SMCO2: variants seen among roughly 807,000 people sequenced by gnomAD.
SMCO2 encodes the protein single-pass membrane and coiled-coil domain-containing protein 2.
Under a neutral mutation model 29.5 loss-of-function variants are expected in SMCO2, and 25 were observed. The ratio of observed to expected loss-of-function variants is 0.85; its 90% confidence interval spans 0.62 to 1.18. SMCO2 has a LOEUF of 1.18. Ranked by LOEUF, SMCO2 falls within the 50% of genes most tolerant of loss-of-function variation. The pLI, the probability that SMCO2 is intolerant of heterozygous loss-of-function variation, is 0.00. For missense variants in SMCO2, 348 were observed against 344.5 expected, an observed-to-expected ratio of 1.01 and a Z score of -0.08; for synonymous variants, 117 against 123.3, an observed-to-expected ratio of 0.95 and a Z score of 0.34.
chr12:27,480,571 C>A (rs1949633662), intron 4 of SMCO2, among the ~76,000 whole-genome samples: 2 of 152,134 alleles, frequency 1.3e-5, no homozygotes, highest in Admixed American at 6.5e-5. Flanking sequence ...TGGAGGTGGG[C>A]CTAGTGGGAG....
At chr12:27,492,910 T>C (rs1942942139) in intron 5 of SMCO2, among the ~76,000 whole-genome samples, 1 of 152,180 alleles carries the variant, frequency 6.6e-6, no homozygotes, top group Non-Finnish European at 1.5e-5. Context: ...CTATTCACAA[T>C]AGCAAAGACA....
At chr12:27,439,249 A>G in the SMCO2 span, among the ~76,000 whole-genome samples, 1 of 152,018 alleles carries the variant, frequency 6.6e-6, no homozygotes. Flanking sequence ...GTTCCCCAGG[A>G]CCCCTGGGCA....
exon 4 of SMCO2, chr12:27,474,866 T>C: frequency 6.4e-7 from 1 of 1,551,478 alleles, no homozygotes; most frequent in South Asian, 1.2e-5. Flanking sequence ...ATGAGGACCC[T>C]CAAGCGTCTA....
chr12:27,470,595 C>T (rs1377164553), intron 1 of SMCO2, 27 bp from the exon 2 acceptor site: 10 of 1,544,190 alleles, frequency 6.5e-6, no homozygotes, highest in Admixed American at 2.0e-5. Flanking sequence ...CATAAAATCC[C>T]TCTTGTTGTC....
chr12:27,466,399 G>A (rs1444326282), upstream of SMCO2, among the ~76,000 whole-genome samples: 6 of 152,154 alleles, frequency 3.9e-5, no homozygotes, highest in Non-Finnish European at 7.3e-5. Flanking sequence ...GCGACAGAGC[G>A]AGAGTCTGAC....
the SMCO2 span, among the ~76,000 whole-genome samples, chr12:27,439,757 A>G: frequency 6.6e-6 from 1 of 152,162 alleles, no homozygotes; most frequent in African/African-American, 2.4e-5. Flanking sequence ...AGAGGAAAGA[A>G]TCAGTGAGCT....
At chr12:27,482,780 G>C (rs1184337816) in intron 4 of SMCO2, among the ~76,000 whole-genome samples, 1 of 152,090 alleles carries the variant, frequency 6.6e-6, no homozygotes, top group East Asian at 1.9e-4. Flanking sequence ...GCCCAGGCTG[G>C]AGTGCAGTGG....
At chr12:27,480,133 A>C (rs1017828973) in intron 4 of SMCO2, among the ~76,000 whole-genome samples, 2 of 152,222 alleles carry the variant, frequency 1.3e-5, no homozygotes, top group African/African-American at 4.8e-5. Flanking sequence ...CCAAGGGCAA[A>C]AGGAGAGGAA....
chr12:27,459,141 C>A, the SMCO2 span, among the ~76,000 whole-genome samples: 3 of 136,876 alleles, frequency 2.2e-5, no homozygotes, highest in Non-Finnish European at 4.6e-5. Context: ...GAGCCAAGAT[C>A]GCGCCACTGC....
At chr12:27,494,381 A>G in intron 6 of SMCO2, 25 bp downstream of exon 7, 1 of 1,483,516 alleles carries the variant, frequency 6.7e-7, no homozygotes, top group Non-Finnish European at 9.0e-7. Context: ...ACACAATTCA[A>G]ACAATGATAA....
chr12:27,495,963 T>C, intron 7 of SMCO2, 108 bp downstream of exon 8: 1 of 1,154,624 alleles, frequency 8.7e-7, no homozygotes, highest in Non-Finnish European at 1.1e-6. Context: ...TTGTTTTATT[T>C]TCGTTTGTAA....
chr12:27,475,384 G>A (rs557535184), intron 4 of SMCO2, among the ~76,000 whole-genome samples, 198 bp from the exon 5 acceptor site: 5 of 152,024 alleles, frequency 3.3e-5, no homozygotes, highest in Admixed American at 1.3e-4. Flanking sequence ...GTTTTATAGA[G>A]TCTTTAAAGA....
chr12:27,454,406 GT>G, the SMCO2 span, among the ~76,000 whole-genome samples: 1 of 152,010 alleles, frequency 6.6e-6, no homozygotes, highest in African/African-American at 2.4e-5. Flanking sequence ...GCACCTTTTT[GT>G]TTTAAAAGGA....
chr12:27,436,158 C>T, the SMCO2 span, among the ~76,000 whole-genome samples: 1 of 152,150 alleles, frequency 6.6e-6, no homozygotes, highest in East Asian at 1.9e-4. Context: ...ACCCTCATGA[C>T]CTAATCACCT....
chr12:27,500,732 G>A (rs1760819513), intron 7 of SMCO2, among the ~76,000 whole-genome samples: 1 of 150,450 alleles, frequency 6.6e-6, no homozygotes, highest in Admixed American at 6.6e-5. Flanking sequence ...AGCTCTCTAA[G>A]CCCCTTCCTA....
chr12:27,440,240 T>A, the SMCO2 span, among the ~76,000 whole-genome samples: 1 of 152,212 alleles, frequency 6.6e-6, no homozygotes, highest in African/African-American at 2.4e-5. Flanking sequence ...CACTCAATAA[T>A]ATTGTATTCT....
chr12:27,435,687 T>G, the SMCO2 span, among the ~76,000 whole-genome samples: 5 of 152,030 alleles, frequency 3.3e-5, no homozygotes, highest in Non-Finnish European at 7.4e-5. Context: ...CTGGCCCCAT[T>G]ATCTTTGGCT....
chr12:27,500,740 C>G (rs917000205), intron 7 of SMCO2, among the ~76,000 whole-genome samples: 5 of 150,586 alleles, frequency 3.3e-5, no homozygotes, highest in African/African-American at 1.2e-4. Context: ...AAGCCCCTTC[C>G]TAATAGAGTA....
At chr12:27,464,435 G>A (rs1411892835), upstream of SMCO2, among the ~76,000 whole-genome samples, 3 of 152,060 alleles carry the variant, frequency 2.0e-5, no homozygotes, top group African/African-American at 2.4e-5. Flanking sequence ...GAGGCCGGGC[G>A]CAATGACTCA....
Sources: allele counts gnomAD v4.1 joint callset (sites outside exome capture counted in the v4.1 genomes callset), GRCh38; gene constraint gnomAD v4.1.1; transcripts MANE v1.5; gene names NCBI Gene and HGNC (gene_info 2026-07-23, HGNC 2026-07-21).